The following RASSF6 variants were observed in gnomAD, a reference collection of about 807,000 sequenced individuals.
RASSF6 encodes the protein ras association domain-containing protein 6.
RASSF6 carries 52 observed loss-of-function variants against 44.0 expected under a neutral mutation model. That is an observed-to-expected ratio of 1.18 (90% confidence interval 0.95 to 1.49). The LOEUF (loss-of-function observed/expected upper bound fraction) is 1.49, where lower values mean the gene tolerates loss of function less well. RASSF6 is among the 40% of genes most tolerant of loss of function. RASSF6 has a pLI of 0.00. For synonymous variants in RASSF6, 162 were observed against 124.6 expected (o/e 1.30, Z -2.00); for missense variants, 464 against 393.3 (o/e 1.18, Z -1.52).
intron 4 of RASSF6, among the ~76,000 whole-genome samples, chr4:73,591,361 C>G (rs1724542867): frequency 6.6e-6 from 1 of 152,144 alleles, no homozygotes; most frequent in African/African-American, 2.4e-5. Context: ...TACCTTACTT[C>G]ATTTCTGTGG....
chr4:73,616,242 T>TATC (rs1204261851), intron 1 of RASSF6, among the ~76,000 whole-genome samples: 4 of 152,046 alleles, frequency 2.6e-5, no homozygotes, highest in Non-Finnish European at 4.4e-5. Flanking sequence ...TCTATCTATC[T>TATC]ATCTATCTAT....
intron 1 of RASSF6, among the ~76,000 whole-genome samples, chr4:73,617,478 A>G (rs997222506): frequency 3.1e-4 from 47 of 152,220 alleles, no homozygotes; most frequent in Non-Finnish European, 6.6e-4. Context: ...GTGGAACTCA[A>G]AAATTTTCTG....
chr4:73,616,703 T>C (rs983576044), intron 1 of RASSF6, among the ~76,000 whole-genome samples: 2 of 152,194 alleles, frequency 1.3e-5, no homozygotes, highest in African/African-American at 4.8e-5. Flanking sequence ...GAACAGAAAG[T>C]ATCACACTAG....
chr4:73,600,443 A>G (rs1256763931), intron 2 of RASSF6, among the ~76,000 whole-genome samples: 1 of 151,988 alleles, frequency 6.6e-6, no homozygotes, highest in Non-Finnish European at 1.5e-5. Flanking sequence ...TTCAATTGCT[A>G]AAATCCCTTT....
chr4:73,597,931 C>CA (rs1428242170), intron 3 of RASSF6, among the ~76,000 whole-genome samples: 2 of 152,090 alleles, frequency 1.3e-5, no homozygotes, highest in Admixed American at 1.3e-4. Context: ...CACATGGACA[C>CA]ATAGAGGGGA....
intron 7 of RASSF6, 144 bp from the exon 8 acceptor site, chr4:73,582,012 T>C (rs1723691264): frequency 2.8e-6 from 2 of 701,850 alleles, no homozygotes; most frequent in East Asian, 2.7e-5. Flanking sequence ...ATGGGAATTA[T>C]ATAATTTTTC....
At chr4:73,607,833 C>T (rs371284583) in intron 2 of RASSF6, among the ~76,000 whole-genome samples, 1 of 151,258 alleles carries the variant, frequency 6.6e-6, no homozygotes, top group Non-Finnish European at 1.5e-5. Context: ...CTCTCCTCTC[C>T]TCTCCCCTCC....
At position 73,572,713 on chromosome 4, in the gene RASSF6, C is replaced by A. The variant is rs1722979932; in HGVS notation, c.*3522G>T. The A allele has an allele frequency of 6.6e-6, 1 of 152,126 alleles. No homozygotes were observed. Among genetic ancestry groups the A allele is most frequent in the African/African-American group, 2.4e-5 (1 of 41,420 alleles). The allele number at this position is 152,126 out of a possible 1,614,324, so 9.4% of individuals were successfully genotyped here. On this transcript the variant is annotated 3_prime_UTR_variant, in exon 11 of 11. Coordinates refer to ENST00000307439, the MANE Select transcript of RASSF6 (RefSeq NM_177532.5). ...TTGAAATTTTTTGCATTTGGTAGAACTCTGTGCTTGCATGTGCTTGTTACT... is the reference window on the plus strand; with the variant it reads ...TTGAAATTTTTTGCATTTGGTAGAAATCTGTGCTTGCATGTGCTTGTTACT...
At chr4:73,606,477 C>T (rs1725643965) in intron 2 of RASSF6, among the ~76,000 whole-genome samples, 1 of 152,156 alleles carries the variant, frequency 6.6e-6, no homozygotes, top group South Asian at 2.1e-4. Context: ...ATGCCGACTA[C>T]TGGGATGATG....
intron 7 of RASSF6, 62 bp downstream of exon 7, chr4:73,582,127 T>C: frequency 1.2e-6 from 1 of 806,494 alleles, no homozygotes; most frequent in African/African-American, 1.7e-5. Flanking sequence ...AGAGTGGATT[T>C]GTGTGTTTAT....
chr4:73,584,424 C>T (rs1449204579), intron 6 of RASSF6, among the ~76,000 whole-genome samples: 11 of 152,066 alleles, frequency 7.2e-5, no homozygotes, highest in Admixed American at 2.6e-4. Flanking sequence ...TATTTCCTAC[C>T]TTCAGCAAAA....
intron 2 of RASSF6, among the ~76,000 whole-genome samples, chr4:73,610,019 C>T (rs1366743058): frequency 6.6e-6 from 1 of 152,142 alleles, no homozygotes; most frequent in Non-Finnish European, 1.5e-5. Context: ...CCATGGACCT[C>T]ATTTTTAAGA....
intron 2 of RASSF6, among the ~76,000 whole-genome samples, chr4:73,605,668 G>A (rs1725570508): frequency 1.3e-5 from 2 of 152,216 alleles, no homozygotes; most frequent in Non-Finnish European, 2.9e-5. Flanking sequence ...AGTCTATCTC[G>A]ATTGAAGCAA....
chr4:73,598,559 C>A, intron 3 of RASSF6, 81 bp downstream of exon 3: 1 of 660,228 alleles, frequency 1.5e-6, no homozygotes. Context: ...TCACCTGTTT[C>A]TTCCAGAATT....
intron 3 of RASSF6, among the ~76,000 whole-genome samples, chr4:73,595,282 C>A (rs902352887): frequency 6.6e-6 from 1 of 152,298 alleles, no homozygotes; most frequent in East Asian, 1.9e-4. Flanking sequence ...GCAATCCCCA[C>A]CTCCTGGTTC....
chr4:73,578,545 A>G (rs1362107972), intron 8 of RASSF6, among the ~76,000 whole-genome samples: 3 of 152,146 alleles, frequency 2.0e-5, no homozygotes, highest in Non-Finnish European at 4.4e-5. Context: ...TTACCCTTTG[A>G]GTGTCCCCCT....
intron 1 of RASSF6, among the ~76,000 whole-genome samples, chr4:73,618,743 GA>G (rs1365540218): frequency 6.6e-6 from 1 of 151,966 alleles, no homozygotes; most frequent in Non-Finnish European, 1.5e-5. Context: ...TCTGCAATTT[GA>G]AAAAAGAATC....
intron 3 of RASSF6, among the ~76,000 whole-genome samples, chr4:73,597,667 C>A (rs184701007): frequency 9.9e-4 from 151 of 152,274 alleles, no homozygotes; most frequent in African/African-American, 3.2e-3. Context: ...AAGACATATT[C>A]ACACATATGT....
At chr4:73,589,755 T>C (rs1168330656) in intron 4 of RASSF6, among the ~76,000 whole-genome samples, 2 of 152,132 alleles carry the variant, frequency 1.3e-5, no homozygotes, top group Admixed American at 6.5e-5. Flanking sequence ...TAGTTTAACT[T>C]GCCCAAACAT....
Sources: allele counts gnomAD v4.1 joint callset (sites outside exome capture counted in the v4.1 genomes callset), GRCh38; gene constraint gnomAD v4.1.1; transcripts MANE v1.5; gene names NCBI Gene and HGNC (gene_info 2026-07-23, HGNC 2026-07-21).